The following CNTLN variants were observed in gnomAD, a reference collection of about 807,000 sequenced individuals.
CNTLN encodes the protein centlein.
CNTLN carries 212 observed loss-of-function variants against 180.0 expected under a neutral mutation model. The ratio of observed to expected loss-of-function variants is 1.18; its 90% CI spans 1.05 to 1.32. CNTLN has a LOEUF of 1.32. CNTLN is among the 40% of genes most tolerant of loss of function. CNTLN has a pLI of 0.00. For synonymous variants in CNTLN, 722 were observed against 563.1 expected, an observed-to-expected ratio of 1.28 and a Z score of -3.99; for missense variants, 2,095 against 1,610.9, an observed-to-expected ratio of 1.30 and a Z score of -5.14.
intron 6 of CNTLN, among the ~76,000 whole-genome samples, chr9:17,274,495 A>ATCTATCTG (rs1482557287): frequency 2.0e-5 from 3 of 147,286 alleles, no homozygotes; most frequent in African/African-American, 7.5e-5. Context: ...CTATCTATCT[A>ATCTATCTG]TCTATCTATG....
rs566050441 is a variant in CNTLN at position 17,243,408 on chromosome 9, G to C, written c.849+6820G>C. Among the ~76,000 whole-genome samples, 4 of 152,086 alleles carry C rather than the reference G, an allele frequency of 2.6e-5. No individual in the cohort carries two copies. The South Asian group carries it at 8.3e-4, about 32-fold the overall frequency. On this transcript the variant is annotated intron_variant, in intron 5 of 25. Coordinates refer to ENST00000380647, the MANE Select transcript of CNTLN (RefSeq NM_017738.4). ...TCTAGTTCTTTAGGATGCATTGTTA[G>C]GTTGTTTATTTGTTAGGTGCTTTTT... is the stretch of plus-strand genomic sequence containing the variant.
intron 8 of CNTLN, among the ~76,000 whole-genome samples, chr9:17,316,007 T>G (rs1015314468): frequency 2.0e-5 from 3 of 152,034 alleles, no homozygotes; most frequent in Admixed American, 1.3e-4. Flanking sequence ...TCTTCCAGTC[T>G]TCTGTTTCCA....
intron 2 of CNTLN, among the ~76,000 whole-genome samples, chr9:17,148,452 T>C (rs926642902): frequency 2.0e-5 from 3 of 152,210 alleles, no homozygotes; most frequent in South Asian, 2.1e-4. Flanking sequence ...ACTTCATTTA[T>C]TGTTGATTCA....
In CNTLN at chr9:17,309,182, A is replaced by G. The variant is rs756638979; in HGVS notation, c.1271A>G (p.Glu424Gly). 1 of 1,610,288 alleles carries G rather than the reference A, an allele frequency of 6.2e-7. No homozygotes were observed. Among genetic ancestry groups the G allele is most frequent in the Non-Finnish European group, 8.5e-7 (1 of 1,177,706 alleles). Residue 424 changes from glutamate (E) to glycine (G), a missense_variant, in exon 8 of 26, where the codon GAA (glutamate) becomes GGA (glycine). Coordinates refer to ENST00000380647, the MANE Select transcript of CNTLN (RefSeq NM_017738.4). ...QKEQENAKLK[E>G]KLQESQGAPL... The stretch of plus-strand genomic sequence containing the variant: ...GAGCAAGAAAATGCTAAGTTAAAAG[A>G]AAAACTTCAGGAATCACAGGGAGCA...
chr9:17,311,171 C>A (rs1819106675), intron 8 of CNTLN, among the ~76,000 whole-genome samples: 1 of 151,728 alleles, frequency 6.6e-6, no homozygotes, highest in Non-Finnish European at 1.5e-5. Flanking sequence ...ATTATAGGCG[C>A]CTGCCACCAC....
At chr9:17,476,602 G>A (rs1205129302) in intron 23 of CNTLN, among the ~76,000 whole-genome samples, 2 of 152,184 alleles carry the variant, frequency 1.3e-5, no homozygotes, top group Non-Finnish European at 2.9e-5. Context: ...CTGATACACA[G>A]AAAGTTTTAG....
intron 12 of CNTLN, among the ~76,000 whole-genome samples, chr9:17,343,086 G>A (rs1002010142): frequency 6.6e-6 from 1 of 152,210 alleles, no homozygotes; most frequent in African/African-American, 2.4e-5. Context: ...CCACATAGGT[G>A]TTTTAGCTGC....
intron 5 of CNTLN, among the ~76,000 whole-genome samples, chr9:17,248,674 T>C (rs922117329): frequency 2.7e-5 from 4 of 150,312 alleles, no homozygotes; most frequent in African/African-American, 7.3e-5. Flanking sequence ...TTTATGTATA[T>C]AGAGAAAAAA....
At chr9:17,137,287 T>TA (rs1274231123) in intron 1 of CNTLN, among the ~76,000 whole-genome samples, 1 of 152,352 alleles carries the variant, frequency 6.6e-6, no homozygotes, top group African/African-American at 2.4e-5. Context: ...ATAAAAATCT[T>TA]AGTCAAATCA....
At chr9:17,477,999 G>A (rs1268152781) in intron 23 of CNTLN, among the ~76,000 whole-genome samples, 1 of 152,174 alleles carries the variant, frequency 6.6e-6, no homozygotes, top group African/African-American at 2.4e-5. Flanking sequence ...GCCACAGCCA[G>A]CCCAGCTGTC....
chr9:17,356,219 CAATG>C (rs1032033446), intron 12 of CNTLN, among the ~76,000 whole-genome samples: 4 of 152,054 alleles, frequency 2.6e-5, no homozygotes, highest in Admixed American at 6.6e-5. Context: ...TAAAGAAAGA[CAATG>C]AACTTCAAGG....
intron 15 of CNTLN, among the ~76,000 whole-genome samples, chr9:17,408,800 T>TG (rs1554713936): frequency 2.8e-5 from 4 of 143,644 alleles, no homozygotes; most frequent in African/African-American, 1.0e-4. Context: ...GACTCTGTCT[T>TG]AAAAAAAAAA....
chr9:17,217,863 T>C (rs1411648383), intron 2 of CNTLN, among the ~76,000 whole-genome samples: 1 of 152,212 alleles, frequency 6.6e-6, no homozygotes, highest in African/African-American at 2.4e-5. Context: ...AAAAAGGTTT[T>C]GTTTTGAGTT....
At position 17,473,755 on chromosome 9, in the gene CNTLN, A is replaced by T. The variant is rs151271953; in HGVS notation, c.3855+6864A>T. ...TCCATTCTGTTTTGAACCTTCTCCA[A>T]TTAGGCTTTCAATCTTATTACCCCG... is the stretch of plus-strand genomic sequence containing the variant. On this transcript the variant is annotated intron_variant, in intron 23 of 25. Coordinates refer to ENST00000380647, the MANE Select transcript of CNTLN (RefSeq NM_017738.4). 7.7e-3 allele frequency among the ~76,000 whole-genome samples: 1,178 copies of T among 152,178 alleles called. 11 individuals are homozygous for T. The highest frequency in any genetic ancestry group is 0.012 in the Non-Finnish European group (812 of 67,996).
rs1044419280 is a variant in CNTLN, at chr9:17,318,251, G to A, written c.1341+8999G>A. On this transcript the variant is annotated intron_variant, in intron 8 of 25. Coordinates refer to ENST00000380647, the MANE Select transcript of CNTLN (RefSeq NM_017738.4). ...TCACCGTGTTAGCCAAGATGGTCTC[G>A]GTTTCCTGACCTCGTGATCCGCCTG... 3.3e-5 allele frequency among the ~76,000 whole-genome samples: 5 copies of A among 151,858 alleles called. No individual in the cohort carries two copies. In the South Asian group the frequency reaches 1.0e-3, roughly 32 times the overall value.
At chr9:17,359,570 G>C (rs1206412620) in intron 12 of CNTLN, among the ~76,000 whole-genome samples, 2 of 151,150 alleles carry the variant, frequency 1.3e-5, no homozygotes, top group Admixed American at 1.3e-4. Flanking sequence ...CAAAACACTT[G>C]AACAGATATT....
At chr9:17,289,985 G>T (rs1345917696) in intron 6 of CNTLN, among the ~76,000 whole-genome samples, 1 of 151,698 alleles carries the variant, frequency 6.6e-6, no homozygotes, top group East Asian at 1.9e-4. Context: ...TAATTTGATC[G>T]TCTGAAGCCT....
chr9:17,262,690 C>T (rs954798155), intron 5 of CNTLN, among the ~76,000 whole-genome samples: 3 of 151,078 alleles, frequency 2.0e-5, no homozygotes, highest in African/African-American at 7.4e-5. Context: ...CATGTATACC[C>T]ATGCAACAAA....
At chr9:17,476,547 A>G (rs1832358618) in intron 23 of CNTLN, among the ~76,000 whole-genome samples, 1 of 152,210 alleles carries the variant, frequency 6.6e-6, no homozygotes, top group South Asian at 2.1e-4. Flanking sequence ...AAAAAATGCT[A>G]CTTCATGAAT....
Sources: allele counts gnomAD v4.1 joint callset (sites outside exome capture counted in the v4.1 genomes callset), GRCh38; gene constraint gnomAD v4.1.1; transcripts MANE v1.5; gene names NCBI Gene and HGNC (gene_info 2026-07-23, HGNC 2026-07-21).